Variants in ADCY5 observed in about 807,000 individuals in gnomAD.
ADCY5 encodes the protein adenylate cyclase type 5.
In ADCY5, 30 loss-of-function variants were observed where a neutral mutation model predicts 119.7. That is an observed-to-expected ratio of 0.25 (90% CI 0.19 to 0.34). The LOEUF (loss-of-function observed/expected upper bound fraction) is 0.34, where lower values mean the gene tolerates loss of function less well. ADCY5 is among the 10% of genes least tolerant of loss of function. The pLI, the probability that ADCY5 is intolerant of heterozygous loss-of-function variation, is 1.00. For synonymous variants in ADCY5, 753 were observed against 762.2 expected, an observed-to-expected ratio of 0.99 and a Z score of 0.20; for missense variants, 1,324 against 1,775.2, an observed-to-expected ratio of 0.75 and a Z score of 4.57.
chr3:123,407,715 A>G (rs1944935997), intron 1 of ADCY5, among the ~76,000 whole-genome samples: 2 of 145,204 alleles, frequency 1.4e-5, no homozygotes, highest in South Asian at 2.3e-4. Flanking sequence ...GAGCTATTAT[A>G]TGATCATTCC....
chr3:123,293,159 G>A (rs886082651), intron 17 of ADCY5, among the ~76,000 whole-genome samples: 2 of 152,240 alleles, frequency 1.3e-5, no homozygotes, highest in African/African-American at 4.8e-5. Context: ...GTCAATGCTG[G>A]AGGAAGGGAC....
At chr3:123,359,826 A>G (rs937709757) in intron 1 of ADCY5, among the ~76,000 whole-genome samples, 2 of 152,126 alleles carry the variant, frequency 1.3e-5, no homozygotes, top group Non-Finnish European at 2.9e-5. Context: ...TAAAACTAAC[A>G]ACGAAATGAG....
At chr3:123,408,821 C>G (rs1463369527) in intron 1 of ADCY5, among the ~76,000 whole-genome samples, 1 of 151,608 alleles carries the variant, frequency 6.6e-6, no homozygotes, top group Non-Finnish European at 1.5e-5. Flanking sequence ...ACCAAAAATA[C>G]AAAAATTAGC....
chr3:123,379,724 C>T (rs1055626756), intron 1 of ADCY5, among the ~76,000 whole-genome samples: 5 of 152,014 alleles, frequency 3.3e-5, no homozygotes, highest in African/African-American at 9.7e-5. Flanking sequence ...TGCTCAGAGA[C>T]GGGACTTCAG....
chr3:123,285,759 C>G (rs1938707858), intron 20 of ADCY5, among the ~76,000 whole-genome samples: 1 of 152,204 alleles, frequency 6.6e-6, no homozygotes, highest in African/African-American at 2.4e-5. Flanking sequence ...TTGCTCCTAT[C>G]TCTAGGCCCA....
intron 1 of ADCY5, among the ~76,000 whole-genome samples, chr3:123,386,107 A>G (rs1281002327): frequency 6.6e-6 from 1 of 152,212 alleles, no homozygotes; most frequent in African/African-American, 2.4e-5. Context: ...TCAGAACTCC[A>G]GGCCAGGAGG....
intron 1 of ADCY5, among the ~76,000 whole-genome samples, chr3:123,444,237 A>G (rs1576701417): frequency 6.6e-6 from 1 of 152,300 alleles, no homozygotes; most frequent in African/African-American, 2.4e-5. Context: ...GGAGAAAAAA[A>G]CAACCCCGTG....
intron 14 of ADCY5, among the ~76,000 whole-genome samples, chr3:123,301,929 G>A (rs895334450): frequency 4.6e-5 from 7 of 152,212 alleles, no homozygotes; most frequent in Admixed American, 2.0e-4. Flanking sequence ...GGGGCGGAGC[G>A]GGGGTGGGGC....
chr3:123,433,204 C>A (rs1945553387), intron 1 of ADCY5, among the ~76,000 whole-genome samples: 1 of 152,088 alleles, frequency 6.6e-6, no homozygotes, highest in Non-Finnish European at 1.5e-5. Flanking sequence ...GCCACAAAGG[C>A]AGGCAGGGCC....
rs554778745 is a variant in ADCY5 at position 123,380,068 on chromosome 3, C to T, written c.1135-27487G>A. 1.8e-4 allele frequency among the ~76,000 whole-genome samples: 28 copies of T among 152,292 alleles called. 1 individual carries two copies. The South Asian group carries it at 3.9e-3, about 21-fold the overall frequency. On this transcript the variant is annotated intron_variant, in intron 1 of 20. Coordinates refer to ENST00000462833, the MANE Select transcript of ADCY5 (RefSeq NM_183357.3). ...CCTCCTCCCAACAACGGATGAGATT[C>T]TCCTATTTAGAGCCACTTCCCTAAT... is the stretch of plus-strand genomic sequence containing the variant.
At chr3:123,399,031 G>C (rs112051232) in intron 1 of ADCY5, among the ~76,000 whole-genome samples, 1 of 152,308 alleles carries the variant, frequency 6.6e-6, no homozygotes, top group South Asian at 2.1e-4. Flanking sequence ...GGCAGGACTG[G>C]GGGAGCTCTC....
chr3:123,354,987 G>A (rs1303703380), intron 1 of ADCY5, among the ~76,000 whole-genome samples: 1 of 152,270 alleles, frequency 6.6e-6, no homozygotes, highest in South Asian at 2.1e-4. Context: ...CAAACCTACA[G>A]CTAAATTATA....
chr3:123,416,289 CG>C lies in ADCY5; in HGVS notation c.1134+31122del, dbSNP rs943997696. 8 of 1,535,916 alleles carry C rather than the reference CG, an allele frequency of 5.2e-6. No individual in the cohort carries two copies. In the African/African-American group the frequency reaches 1.1e-4, roughly 21 times the overall value. ...TCATTCCTCAGGACTTACTTCCAGA[CG>C]CTTCCCCAAAAAGGGGCTAAAGGCA... On this transcript the variant is annotated intron_variant, in intron 1 of 20. Transcript: ENST00000462833.
intron 14 of ADCY5, 74 bp downstream of exon 14, chr3:123,302,981 G>A (rs1187595727): frequency 6.5e-6 from 10 of 1,544,824 alleles, no homozygotes; most frequent in Non-Finnish European, 8.8e-6. Context: ...AGACTGTCCT[G>A]AGCAGCTGCA....
At chr3:123,445,149 A>G (rs1945790585) in intron 1 of ADCY5, among the ~76,000 whole-genome samples, 1 of 152,252 alleles carries the variant, frequency 6.6e-6, no homozygotes, top group Non-Finnish European at 1.5e-5. Flanking sequence ...ATATAAAGTA[A>G]GTGTAAATCC....
At position 123,296,203 on chromosome 3, in the gene ADCY5, T is replaced by C. The variant is rs564846157; in HGVS notation, c.2944A>G (p.Thr982Ala). 1.2e-6 allele frequency: 2 copies of C among 1,613,780 alleles called. No homozygotes were observed. Among genetic ancestry groups the C allele is most frequent in the South Asian group, 2.2e-5 (2 of 91,066 alleles). Residue 982 changes from threonine to alanine, a missense_variant, in exon 17 of 21, where the codon ACC becomes GCC. By Grantham distance (58) the Thr-to-Ala change is moderately conservative. This residue lies in a region of ADCY5 where 424 missense variants were observed against 546.8 expected (regional missense o/e 0.78). Transcript: ENST00000462833. ...NGTSQCPEHA[T>A]KVALKVVTPI... ...GTCACCACCTTCAATGCCACCTTGG[T>C]TGCATGCTCAGGGCTGTGGGGAGGT...
At chr3:123,447,067 G>A (rs1312068665) in intron 1 of ADCY5, among the ~76,000 whole-genome samples, 1 of 152,160 alleles carries the variant, frequency 6.6e-6, no homozygotes, top group African/African-American at 2.4e-5. Context: ...TTCGTTAGGG[G>A]CCTTTTGTAT....
intron 3 of ADCY5, among the ~76,000 whole-genome samples, chr3:123,346,092 C>G (rs115590031): frequency 1.9e-3 from 287 of 152,310 alleles, no homozygotes; most frequent in Non-Finnish European, 3.0e-3. Flanking sequence ...AGTAGATGAA[C>G]GCACGTAGGG....
chr3:123,324,698 C>T lies in ADCY5; in HGVS notation c.2088+624G>A, dbSNP rs188930066. On this transcript the variant is annotated intron_variant, in intron 8 of 20. Coordinates refer to ENST00000462833, the MANE Select transcript of ADCY5 (RefSeq NM_183357.3). The stretch of plus-strand genomic sequence containing the variant: ...CAGCACATCCTGAATTCACCTGTCC[C>T]GGTGTGTGTAGGCAGGGTCCCTGGA... 2.2e-3 allele frequency among the ~76,000 whole-genome samples: 339 copies of T among 152,272 alleles called. 1 individual carries two copies. Among genetic ancestry groups the T allele is most frequent in the African/African-American group, 7.4e-3 (307 of 41,556 alleles).
Sources: allele counts gnomAD v4.1 joint callset (sites outside exome capture counted in the v4.1 genomes callset), GRCh38; gene constraint gnomAD v4.1.1; regional missense constraint gnomAD v4.1.1; transcripts MANE v1.5; gene names NCBI Gene and HGNC (gene_info 2026-07-23, HGNC 2026-07-21).